The following PBRM1 variants were observed in gnomAD, a reference collection of about 807,000 sequenced individuals.
The protein encoded by PBRM1 is protein polybromo-1.
In PBRM1, 27 loss-of-function variants were observed where a neutral mutation model predicts 194.5. The observed-to-expected ratio is 0.14, with a 90% CI of 0.10 to 0.19. The LOEUF is 0.19. PBRM1 is among the 10% of genes least tolerant of loss of function. PBRM1 has a pLI of 1.00. For missense variants in PBRM1, 1,466 were observed against 2,077.2 expected, an observed-to-expected ratio of 0.71 and a Z score of 5.72; for synonymous variants, 655 against 693.2, an observed-to-expected ratio of 0.94 and a Z score of 0.87.
chr3:52,621,871 G>A (rs1268528968), intron 13 of PBRM1, among the ~76,000 whole-genome samples: 2 of 152,112 alleles, frequency 1.3e-5, no homozygotes, highest in South Asian at 2.1e-4. Flanking sequence ...GGGCAATACA[G>A]TGAGACACCA....
chr3:52,648,210 A>G, intron 7 of PBRM1, 134 bp downstream of exon 8: 1 of 577,384 alleles, frequency 1.7e-6, no homozygotes, highest in Non-Finnish European at 3.0e-6. Flanking sequence ...CCCAGCCTAA[A>G]TTAAACACTT....
chr3:52,623,881 C>T (rs1381812834), intron 13 of PBRM1, among the ~76,000 whole-genome samples: 1 of 152,092 alleles, frequency 6.6e-6, no homozygotes, highest in Admixed American at 6.5e-5. Flanking sequence ...AGTTTCAATG[C>T]CATACATTAT....
At chr3:52,549,673 G>T (rs1453896048) in intron 29 of PBRM1, among the ~76,000 whole-genome samples, 1 of 152,134 alleles carries the variant, frequency 6.6e-6, no homozygotes, top group Non-Finnish European at 1.5e-5. Context: ...GGGAGGCTGA[G>T]GTGAATAGAT....
chr3:52,669,918 C>CA (rs1309568807), intron 2 of PBRM1, among the ~76,000 whole-genome samples: 6 of 151,918 alleles, frequency 3.9e-5, no homozygotes, highest in African/African-American at 1.5e-4. Context: ...TCTTTTCAAC[C>CA]AAAAAAATCA....
rs2094903445 is a variant in PBRM1 at position 52,615,460 on chromosome 3, C to T, written c.1819-4G>A. ...GGATATGTGCATCATTATAAACCTACATTCCAAAAATATACTTCAATTATT... is the reference window on the plus strand; with the variant it reads ...GGATATGTGCATCATTATAAACCTATATTCCAAAAATATACTTCAATTATT... On this transcript the variant is annotated splice_polypyrimidine_tract_variant and splice_region_variant and intron_variant, in intron 14 of 29. Coordinates refer to ENST00000296302, the Ensembl canonical transcript of PBRM1. 6.6e-7 allele frequency: 1 copy of T among 1,512,688 alleles called. No homozygotes were observed. Among genetic ancestry groups the T allele is most frequent in the Non-Finnish European group, 9.2e-7 (1 of 1,088,736 alleles). The allele number at this position is 1,512,688 out of a possible 1,614,324, so 93.7% of individuals were successfully genotyped here.
At chr3:52,643,203 T>G in intron 9 of PBRM1, 45 bp downstream of exon 10, 1 of 1,364,880 alleles carries the variant, frequency 7.3e-7, no homozygotes, top group Non-Finnish European at 1.0e-6. Flanking sequence ...ATGCCTATCT[T>G]TATAAGCACA....
intron 18 of PBRM1, among the ~76,000 whole-genome samples, chr3:52,588,716 A>C (rs548643017): frequency 6.6e-6 from 1 of 151,616 alleles, no homozygotes; most frequent in African/African-American, 2.4e-5. Context: ...CACCAGGCCC[A>C]GCTCATTTTT....
intron 2 of PBRM1, among the ~76,000 whole-genome samples, chr3:52,673,074 G>A (rs573551397): frequency 4.0e-5 from 6 of 151,340 alleles, no homozygotes; most frequent in South Asian, 2.1e-4. Context: ...TGCAACCTCC[G>A]CCTCCCGGGT....
chr3:52,611,839 C>A (rs369147366), intron 15 of PBRM1, among the ~76,000 whole-genome samples: 11 of 151,896 alleles, frequency 7.2e-5, no homozygotes, highest in African/African-American at 2.4e-4. Context: ...ACACAAAAAA[C>A]CCCACAACAT....
At chr3:52,644,751 C>A in exon 8 of PBRM1, 1 of 1,556,702 alleles carries the variant, frequency 6.4e-7, no homozygotes, top group Non-Finnish European at 8.8e-7. Context: ...CAATTTCAGC[C>A]TTTTTCATAT....
chr3:52,623,817 C>G (rs1446964715), intron 13 of PBRM1, among the ~76,000 whole-genome samples: 1 of 152,200 alleles, frequency 6.6e-6, no homozygotes, highest in African/African-American at 2.4e-5. Context: ...CTCTAGAACT[C>G]AGGGTTGTAA....
At chr3:52,600,674 T>C (rs1447731381) in intron 17 of PBRM1, among the ~76,000 whole-genome samples, 4 of 152,232 alleles carry the variant, frequency 2.6e-5, no homozygotes, top group African/African-American at 9.6e-5. Context: ...GGAGTCTTGC[T>C]CTGTCCCAGG....
In PBRM1 at chr3:52,602,876, T is replaced by C. The variant is rs961515495; in HGVS notation, c.2779+645A>G. Among the ~76,000 whole-genome samples the C allele has an allele frequency of 2.6e-5, 4 of 152,120 alleles. No individual in the cohort carries two copies. In the South Asian group the frequency reaches 8.3e-4, roughly 31 times the overall value. On this transcript the variant is annotated intron_variant, in intron 17 of 29. Transcript: ENST00000296302. ...AATCAATCTATTTTGTTTTCTTGCC[T>C]AAGGGAAAAAAATCTACGGAGGAGA...
At chr3:52,633,378 A>G (rs961599198) in intron 11 of PBRM1, among the ~76,000 whole-genome samples, 1 of 152,146 alleles carries the variant, frequency 6.6e-6, no homozygotes, top group African/African-American at 2.4e-5. Context: ...ATAATATTCC[A>G]TTGTATGTAC....
chr3:52,610,933 T>C (rs2094574901), intron 15 of PBRM1, among the ~76,000 whole-genome samples: 2 of 152,064 alleles, frequency 1.3e-5, no homozygotes, highest in Admixed American at 6.5e-5. Context: ...AGCGAGACTC[T>C]GTCTCAAAAA....
intron 20 of PBRM1, among the ~76,000 whole-genome samples, chr3:52,579,423 T>C (rs767581254): frequency 2.0e-5 from 3 of 151,976 alleles, no homozygotes; most frequent in Non-Finnish European, 4.4e-5. Flanking sequence ...TTGTCTCAAC[T>C]GAAGAAAGAA....
rs906012574 is a variant in PBRM1 at position 52,603,507 on chromosome 3, G to C, written c.2779+14C>G. ...TGCATTTTTTCATATTCAATAAAAT[G>C]AAAAGAAACCAACCTCTTTTTTCTT... On this transcript the variant is annotated intron_variant, in intron 17 of 29. Transcript: ENST00000296302. 6.3e-7 allele frequency: 1 copy of C among 1,588,026 alleles called. No homozygotes were observed. The highest frequency in any genetic ancestry group is 1.3e-5 in the African/African-American group (1 of 74,362).
chr3:52,666,890 C>CA (rs34218707), intron 3 of PBRM1, among the ~76,000 whole-genome samples: 2,096 of 120,760 alleles, frequency 0.017, 24 homozygotes, highest in South Asian at 0.041. Context: ...GATCGTGTCT[C>CA]AAAAAAAAAA....
chr3:52,624,776 G>T, intron 13 of PBRM1, 121 bp downstream of exon 15: 1 of 656,220 alleles, frequency 1.5e-6, no homozygotes, highest in South Asian at 1.9e-5. Context: ...AAATAAACTG[G>T]CACCCCAATA....
Sources: gnomAD v4.1 joint callset for allele counts (sites outside exome capture counted in the v4.1 genomes callset) on GRCh38, gnomAD v4.1.1 for gene constraint, MANE v1.5 for transcripts, NCBI Gene and HGNC (gene_info 2026-07-23, HGNC 2026-07-21) for gene names.